Variants in TARS2 observed in about 807,000 individuals in gnomAD.
The protein encoded by TARS2 is threonyl-tRNA synthetase 2, mitochondrial, also known as threonine--tRNA ligase, mitochondrial.
TARS2 carries 61 observed loss-of-function variants against 94.4 expected under a neutral mutation model. The observed-to-expected ratio is 0.65, with a 90% CI of 0.53 to 0.80. TARS2 has a LOEUF of 0.80. TARS2 is among the 30% of genes least tolerant of loss of function. TARS2 has a pLI of 0.00. For missense variants in TARS2, 704 were observed against 902.5 expected (o/e 0.78, Z 2.82); for synonymous variants, 359 against 353.4 (o/e 1.02, Z -0.18).
intron 7 of TARS2, among the ~76,000 whole-genome samples, chr1:150,493,127 C>A (rs927419853): frequency 3.0e-4 from 45 of 152,086 alleles, no homozygotes; most frequent in Admixed American, 2.9e-3. Flanking sequence ...TCTCAGCCTC[C>A]CAAAGTGCTG....
At chr1:150,495,923 T>C (rs587699192) in intron 7 of TARS2, among the ~76,000 whole-genome samples, 1 of 151,684 alleles carries the variant, frequency 6.6e-6, no homozygotes, top group East Asian at 1.9e-4. Flanking sequence ...GGTTTCACCA[T>C]GTTAGCCAGG....
At position 150,496,484 on chromosome 1, in the gene TARS2, C is replaced by T. The variant is rs754040832; in HGVS notation, c.777C>T (p.Asn259=). 5 of 1,611,810 alleles carry T rather than the reference C, an allele frequency of 3.1e-6. No homozygotes were observed. In the Admixed American group the frequency reaches 5.0e-5, roughly 16 times the overall value. Residue 259 remains asparagine, a splice_region_variant and synonymous_variant, in exon 8 of 18, where the codon AAC becomes AAT. Transcript: ENST00000369064. ...TGATCCCCTATGTCCTCACACAGAA[C>T]TCATCATCCTTATGGAGGTCTTCAG... is the stretch of plus-strand genomic sequence containing the variant. The part of the protein sequence containing the change: ...GQIGGLKLLS[N]SSSLWRSSGA...
intron 7 of TARS2, among the ~76,000 whole-genome samples, chr1:150,494,811 G>A (rs1669578633): frequency 6.6e-6 from 1 of 152,230 alleles, no homozygotes; most frequent in Admixed American, 6.5e-5. Context: ...GCTGAGGCGA[G>A]TGAATCACGA....
chr1:150,494,889 T>C (rs1011590135), intron 7 of TARS2, among the ~76,000 whole-genome samples: 2 of 149,774 alleles, frequency 1.3e-5, no homozygotes, highest in Non-Finnish European at 3.0e-5. Flanking sequence ...TACAAAAAAT[T>C]AGCCAGGTGT....
rs759290057 is a variant in TARS2 at position 150,498,937 on chromosome 1, C to G, written c.1442C>G (p.Ser481Cys). ...CAAAGCTGTCTTGATTTCCTCCGTT[C>G]CGTCTATGCCGTTCTTGGCTTCTCC... is the stretch of plus-strand genomic sequence containing the variant. ...EIQSCLDFLR[S>C]VYAVLGFSFR... Residue 481 changes from serine (S) to cysteine (C), a missense_variant, in exon 12 of 18, where the codon TCC (serine) becomes TGC (cysteine). Around this residue, in one of 3 missense-constraint regions of TARS2, gnomAD observed 466 missense variants for 609.5 expected, o/e 0.76. Transcript: ENST00000369064. The G allele has an allele frequency of 9.3e-6, 15 of 1,614,240 alleles. No individual in the cohort carries two copies. The highest frequency in any genetic ancestry group is 1.2e-5 in the Non-Finnish European group (14 of 1,180,052).
At chr1:150,506,717 TC>T (rs1231696609) in intron 17 of TARS2, among the ~76,000 whole-genome samples, 198 bp from the exon 18 acceptor site, 11 of 151,852 alleles carry the variant, frequency 7.2e-5, no homozygotes, top group East Asian at 1.9e-4. Flanking sequence ...CTGAAGCACT[TC>T]CTTGTCTCCT....
At chr1:150,494,775 C>G (rs182710995) in intron 7 of TARS2, among the ~76,000 whole-genome samples, 1 of 152,092 alleles carries the variant, frequency 6.6e-6, no homozygotes, top group Non-Finnish European at 1.5e-5. Flanking sequence ...TGGTGGCTCA[C>G]GCCTGTAATC....
intron 13 of TARS2, among the ~76,000 whole-genome samples, chr1:150,502,383 TA>T (rs200597533): frequency 5.3e-5 from 7 of 131,204 alleles, no homozygotes; most frequent in African/African-American, 1.5e-4. Flanking sequence ...CACGCCCAGC[TA>T]ATTTTTTTTT....
intron 13 of TARS2, among the ~76,000 whole-genome samples, chr1:150,500,581 G>A (rs1056181719): frequency 6.7e-6 from 1 of 149,608 alleles, no homozygotes; most frequent in African/African-American, 2.5e-5. Flanking sequence ...GCAAGACTCC[G>A]TCCCAAAAAG....
chr1:150,498,867 A>C (rs1669786697), intron 11 of TARS2, 30 bp from the exon 12 acceptor site: 4 of 1,613,790 alleles, frequency 2.5e-6, no homozygotes, highest in Non-Finnish European at 3.4e-6. Flanking sequence ...GCGGGCTCAC[A>C]GCTCACTGAC....
chr1:150,497,450 C>T, intron 9 of TARS2, 80 bp from the exon 10 acceptor site: 1 of 1,390,584 alleles, frequency 7.2e-7, no homozygotes, highest in African/African-American at 1.4e-5. Context: ...CCTGAGGGCC[C>T]AGGAAGATCA....
At chr1:150,496,655 G>T (rs1173071869) in intron 8 of TARS2, 27 bp downstream of exon 8, 3 of 1,607,986 alleles carry the variant, frequency 1.9e-6, no homozygotes, top group Non-Finnish European at 1.7e-6. Context: ...GATAGGGAGG[G>T]ATGGTGATAA....
intron 7 of TARS2, among the ~76,000 whole-genome samples, chr1:150,496,193 T>A (rs1287635317): frequency 6.6e-6 from 1 of 152,124 alleles, no homozygotes; most frequent in Non-Finnish European, 1.5e-5. Context: ...CAGTCATTGA[T>A]TAGAATGGGA....
chr1:150,498,101 A>G (rs1669752482), intron 10 of TARS2, among the ~76,000 whole-genome samples: 1 of 151,534 alleles, frequency 6.6e-6, no homozygotes, highest in Non-Finnish European at 1.5e-5. Context: ...TCAAAAAAAA[A>G]AAAAAAAAGA....
chr1:150,490,597 C>A lies in TARS2; in HGVS notation c.388-4C>A. ...ACTTGTGAACCCCTTTTTTGTGAAC[C>A]CAGGTGTTCTGGCACTCCAGCACCC... On this transcript the variant is annotated splice_polypyrimidine_tract_variant and splice_region_variant and intron_variant, in intron 3 of 17. Transcript: ENST00000369064. The A allele has an allele frequency of 6.2e-7, 1 of 1,606,828 alleles. No individual in the cohort carries two copies. Among genetic ancestry groups the A allele is most frequent in the Non-Finnish European group, 8.5e-7 (1 of 1,177,956 alleles).
intron 17 of TARS2, 65 bp from the exon 18 acceptor site, chr1:150,506,851 A>T: frequency 1.3e-6 from 2 of 1,599,958 alleles, no homozygotes; most frequent in African/African-American, 1.3e-5. Flanking sequence ...GTTTCTGCAG[A>T]GCAAAAGAAA....
At chr1:150,490,826 G>A (rs1669349155) in intron 4 of TARS2, 101 bp downstream of exon 4, 1 of 1,544,848 alleles carries the variant, frequency 6.5e-7, no homozygotes, top group Non-Finnish European at 8.8e-7. Context: ...AGCTGGAGGA[G>A]AAGGGTTTCT....
intron 7 of TARS2, among the ~76,000 whole-genome samples, chr1:150,494,074 A>G (rs1669528516): frequency 6.6e-6 from 1 of 152,126 alleles, no homozygotes; most frequent in East Asian, 1.9e-4. Context: ...CATAAAGATA[A>G]TGAAAACCAG....
intron 16 of TARS2, among the ~76,000 whole-genome samples, chr1:150,505,302 A>C (rs1026084613): frequency 1.3e-5 from 2 of 152,154 alleles, no homozygotes; most frequent in Non-Finnish European, 2.9e-5. Flanking sequence ...TATGGATGGT[A>C]CCAGAGTCAA....
Sources: gnomAD v4.1 joint callset for allele counts (sites outside exome capture counted in the v4.1 genomes callset) on GRCh38, gnomAD v4.1.1 for gene constraint, gnomAD v4.1.1 regional missense constraint, MANE v1.5 for transcripts, NCBI Gene and HGNC (gene_info 2026-07-23, HGNC 2026-07-21) for gene names.